The following SRGAP3 variants were observed in gnomAD, a reference collection of about 807,000 sequenced individuals.
SRGAP3 encodes SLIT-ROBO Rho GTPase-activating protein 3.
Under a neutral mutation model 121.1 loss-of-function variants are expected in SRGAP3, and 39 were observed. The observed-to-expected ratio is 0.32, with a 90% confidence interval of 0.25 to 0.42. The LOEUF (loss-of-function observed/expected upper bound fraction) is 0.42. SRGAP3 is among the 10% of genes least tolerant of loss of function. The pLI, the probability that SRGAP3 is intolerant of heterozygous loss-of-function variation, is 1.00. For missense variants in SRGAP3, 1,213 were observed against 1,470.6 expected (o/e 0.82, Z 2.86); for synonymous variants, 601 against 570.0 (o/e 1.05, Z -0.77).
intron 1 of SRGAP3, among the ~76,000 whole-genome samples, chr3:9,157,267 AG>A (rs1457938215): frequency 6.6e-6 from 1 of 152,108 alleles, no homozygotes; most frequent in East Asian, 1.9e-4. Flanking sequence ...GAAAGAGTAA[AG>A]GGGGATGTGC....
intron 21 of SRGAP3, among the ~76,000 whole-genome samples, chr3:8,987,440 A>G (rs1221763472): frequency 6.6e-6 from 1 of 152,258 alleles, no homozygotes; most frequent in Non-Finnish European, 1.5e-5. Context: ...AATAAAAAGT[A>G]TGAGTCTGGT....
At chr3:9,025,146 A>C in intron 14 of SRGAP3, 115 bp downstream of exon 14, 1 of 1,018,390 alleles carries the variant, frequency 9.8e-7, no homozygotes, top group East Asian at 2.4e-5. Flanking sequence ...GTGCACAATC[A>C]GCTCCTGCAA....
At chr3:9,209,732 T>C (rs982934715) in intron 1 of SRGAP3, among the ~76,000 whole-genome samples, 10 of 152,162 alleles carry the variant, frequency 6.6e-5, no homozygotes, top group African/African-American at 1.9e-4. Context: ...ACCAAGTAAA[T>C]TGCCACCAAT....
Position 9,064,583 on chromosome 3 carries a change from T to TG in SRGAP3, c.487-3dup, listed in dbSNP as rs750964722. The TG allele has an allele frequency of 3.1e-6, 5 of 1,613,828 alleles. No individual in the cohort carries two copies. Among genetic ancestry groups the TG allele is most frequent in the Non-Finnish European group, 3.4e-6 (4 of 1,179,988 alleles). On this transcript the variant is annotated splice_polypyrimidine_tract_variant and splice_region_variant and intron_variant, in intron 4 of 21. Coordinates refer to ENST00000383836, the MANE Select transcript of SRGAP3 (RefSeq NM_014850.4). The stretch of plus-strand genomic sequence containing the variant: ...GTACATGTGGTAGGTTTTCATGACC[T>TG]GGGGGTGCACAAGTAGGGGAAATCA...
chr3:9,131,442 T>TTC (rs1553673353), intron 1 of SRGAP3, among the ~76,000 whole-genome samples: 1 of 142,466 alleles, frequency 7.0e-6, no homozygotes, highest in African/African-American at 2.6e-5. Flanking sequence ...TCTTTTTTTT[T>TTC]TTTTTTTTTT....
intron 10 of SRGAP3, among the ~76,000 whole-genome samples, chr3:9,045,710 C>A (rs986067781): frequency 5.3e-5 from 8 of 152,292 alleles, no homozygotes; most frequent in Non-Finnish European, 1.0e-4. Context: ...ACCAAGAAGG[C>A]GTGGGCAGGC....
intron 10 of SRGAP3, among the ~76,000 whole-genome samples, chr3:9,046,363 T>C (rs973654847): frequency 6.6e-6 from 1 of 152,220 alleles, no homozygotes; most frequent in African/African-American, 2.4e-5. Flanking sequence ...TGGGTGGTGG[T>C]TGCCCATGCA....
At chr3:9,347,162 CT>C (rs1177127864) in intron 1 of SRGAP3, among the ~76,000 whole-genome samples, 1 of 151,618 alleles carries the variant, frequency 6.6e-6, no homozygotes, top group Admixed American at 6.6e-5. Flanking sequence ...AACTCTGTTG[CT>C]TTTTTTGTTT....
chr3:9,136,241 G>A (rs1001739627), intron 1 of SRGAP3, among the ~76,000 whole-genome samples: 2 of 152,144 alleles, frequency 1.3e-5, no homozygotes, highest in African/African-American at 4.8e-5. Flanking sequence ...CCCCATTGCC[G>A]CCCTTCTCCT....
chr3:9,084,781 C>T (rs1357264949), intron 3 of SRGAP3, among the ~76,000 whole-genome samples: 1 of 152,182 alleles, frequency 6.6e-6, no homozygotes, highest in Non-Finnish European at 1.5e-5. Context: ...ATTCTGCAGG[C>T]CTGTGCCAGT....
chr3:9,172,093 C>CTTT (rs1553684903), intron 1 of SRGAP3, among the ~76,000 whole-genome samples: 6 of 90,186 alleles, frequency 6.7e-5, no homozygotes, highest in African/African-American at 1.3e-4. Flanking sequence ...TTTTTCTTTT[C>CTTT]TTTTTTTTTT....
chr3:9,294,695 CGTGTGTGT>C (rs753452580), intron 3 of SRGAP3, among the ~76,000 whole-genome samples: 120 of 119,884 alleles, frequency 1.0e-3, no homozygotes, highest in East Asian at 8.9e-3. Context: ...TTGAAGCTTT[CGTGTGTGT>C]GTGTGTGTGT....
chr3:9,180,314 C>T (rs1181926661), intron 1 of SRGAP3, among the ~76,000 whole-genome samples: 1 of 152,198 alleles, frequency 6.6e-6, no homozygotes, highest in African/African-American at 2.4e-5. Flanking sequence ...GGTTCCCACC[C>T]ACAGAAAGAC....
intron 3 of SRGAP3, among the ~76,000 whole-genome samples, chr3:9,262,637 A>G (rs1033530869): frequency 2.0e-5 from 3 of 152,012 alleles, no homozygotes; most frequent in Non-Finnish European, 2.9e-5. Flanking sequence ...GGCATTACAT[A>G]ATGGTAAAGG....
rs1229826771 is a variant in SRGAP3 at position 9,249,144 on chromosome 3, C to T, written c.-193G>A. 8 of 648,506 alleles carry T rather than the reference C, an allele frequency of 1.2e-5. No individual in the cohort carries two copies. Among genetic ancestry groups the T allele is most frequent in the African/African-American group, 9.1e-5 (5 of 55,174 alleles). The allele number at this position is 648,506 out of a possible 1,614,324, so 40.2% of individuals were successfully genotyped here. A position where few individuals can be genotyped will look rare whatever the true frequency, so the allele number is the denominator to read the frequency against. On this transcript the variant is annotated 5_prime_UTR_variant, in exon 1 of 22. Coordinates refer to ENST00000383836, the MANE Select transcript of SRGAP3 (RefSeq NM_014850.4). ...TGGAAGGAAAAATCTCTTTACTTGCCGAGAAATGGCTCTAGTAGCTTGCCC... is the reference window on the plus strand; with the variant it reads ...TGGAAGGAAAAATCTCTTTACTTGCTGAGAAATGGCTCTAGTAGCTTGCCC...
At chr3:9,319,615 A>C (rs1955408114) in intron 3 of SRGAP3, among the ~76,000 whole-genome samples, 1 of 151,922 alleles carries the variant, frequency 6.6e-6, no homozygotes. Flanking sequence ...TCATTTCCTG[A>C]CTATGAGAGA....
intron 3 of SRGAP3, among the ~76,000 whole-genome samples, chr3:9,290,547 G>C: frequency 6.6e-6 from 1 of 152,126 alleles, no homozygotes; most frequent in Non-Finnish European, 1.5e-5. Flanking sequence ...CAGATCACAA[G>C]GTTCATAAAG....
intron 2 of SRGAP3, among the ~76,000 whole-genome samples, chr3:9,121,367 G>C (rs925320042): frequency 6.6e-6 from 1 of 152,214 alleles, no homozygotes; most frequent in Non-Finnish European, 1.5e-5. Flanking sequence ...CCCAGATGAA[G>C]GGAGCAGAGA....
chr3:9,198,676 C>A (rs535363896), intron 1 of SRGAP3, among the ~76,000 whole-genome samples: 3 of 152,340 alleles, frequency 2.0e-5, no homozygotes, highest in African/African-American at 7.2e-5. Flanking sequence ...ACTCCCAGCA[C>A]CTGGCATTGT....
Sources: gnomAD v4.1 joint callset for allele counts (sites outside exome capture counted in the v4.1 genomes callset) on GRCh38, gnomAD v4.1.1 for gene constraint, MANE v1.5 for transcripts, NCBI Gene and HGNC (gene_info 2026-07-23, HGNC 2026-07-21) for gene names.